DGKH: variants seen among roughly 807,000 people sequenced by gnomAD.
DGKH encodes the protein DAG kinase eta.
In DGKH, 90 loss-of-function variants were observed where a neutral mutation model predicts 159.3. That is an observed-to-expected ratio of 0.57 (90% CI 0.48 to 0.67). The LOEUF is 0.67. Ranked by LOEUF, DGKH falls within the 30% of genes least tolerant of loss-of-function variation. The probability of loss-of-function intolerance (pLI) is 0.00; values close to 1 mark genes in which losing one functional copy is unlikely to be tolerated. For synonymous variants in DGKH, 536 were observed against 553.8 expected, an observed-to-expected ratio of 0.97 and a Z score of 0.45; for missense variants, 1,181 against 1,506.1, an observed-to-expected ratio of 0.78 and a Z score of 3.57.
intron 1 of DGKH, among the ~76,000 whole-genome samples, chr13:42,094,696 T>C (rs1954487915): frequency 6.6e-6 from 1 of 152,228 alleles, no homozygotes; most frequent in Non-Finnish European, 1.5e-5. Context: ...TTTTATACAG[T>C]CAAATTTCTG....
upstream of DGKH, chr13:42,044,394 A>T (rs1288258398): frequency 6.6e-6 from 1 of 151,262 alleles, no homozygotes; most frequent in East Asian, 1.9e-4. Context: ...CGCCTCCTGG[A>T]TTCTCCTGCC....
At chr13:42,217,382 A>G (rs1196767011) in intron 26 of DGKH, among the ~76,000 whole-genome samples, 2 of 151,922 alleles carry the variant, frequency 1.3e-5, no homozygotes, top group South Asian at 4.1e-4. Context: ...TGGGACTACA[A>G]TCGCGCACCA....
chr13:42,055,427 T>C (rs1416578161), intron 1 of DGKH, among the ~76,000 whole-genome samples: 1 of 152,244 alleles, frequency 6.6e-6, no homozygotes, highest in Non-Finnish European at 1.5e-5. Context: ...TGATTACAAG[T>C]TAAACATGAT....
intron 5 of DGKH, among the ~76,000 whole-genome samples, chr13:42,158,458 C>T (rs1956096433): frequency 6.6e-6 from 1 of 152,078 alleles, no homozygotes; most frequent in Non-Finnish European, 1.5e-5. Context: ...AGTCAAGTTC[C>T]AATTTTTGTA....
rs1251344400 is a variant in DGKH, at chr13:42,111,345, C to T, written c.193-16118C>T. ...CCTGTAATCCCAGTACTTTGGGAGGCGAGGTGGGCAGATCTCTTGAGGTCA... is the reference window on the plus strand; with the variant it reads ...CCTGTAATCCCAGTACTTTGGGAGGTGAGGTGGGCAGATCTCTTGAGGTCA... On this transcript the variant is annotated intron_variant, in intron 1 of 29. Transcript: ENST00000337343. Among the ~76,000 whole-genome samples, 13 of 152,056 alleles carry T rather than the reference C, an allele frequency of 8.5e-5. No homozygotes were observed. In the East Asian group the frequency reaches 9.6e-4, roughly 11 times the overall value.
At chr13:42,069,380 ACTT>A in intron 1 of DGKH, 2 of 1,512,702 alleles carry the variant, frequency 1.3e-6, no homozygotes. Context: ...GTTTTTCTTG[ACTT>A]ACTGACTTTG....
At chr13:42,045,009 G>A (rs1257372938), upstream of DGKH, among the ~76,000 whole-genome samples, 1 of 152,168 alleles carries the variant, frequency 6.6e-6, no homozygotes, top group Non-Finnish European at 1.5e-5. Context: ...ATTAAAATTT[G>A]CTTTTGGTGC....
intron 30 of DGKH, chr13:42,256,262 A>C (rs1958656653): frequency 1.3e-6 from 2 of 1,586,996 alleles, no homozygotes; most frequent in Non-Finnish European, 1.7e-6. Context: ...ACACTCAGCC[A>C]GGCTGCTGGC....
chr13:42,110,960 C>T (rs1172228497), intron 1 of DGKH, among the ~76,000 whole-genome samples: 1 of 152,024 alleles, frequency 6.6e-6, no homozygotes, highest in African/African-American at 2.4e-5. Context: ...GGGCTTAACA[C>T]CTAGGTGATG....
intron 13 of DGKH, among the ~76,000 whole-genome samples, chr13:42,179,780 C>CAAAA (rs3039209): frequency 7.0e-5 from 9 of 129,450 alleles, no homozygotes; most frequent in Admixed American, 3.1e-4. Context: ...GATCTTGTCT[C>CAAAA]AAAAAAAAAA....
At chr13:42,050,871 A>G (rs1022058936) in intron 1 of DGKH, among the ~76,000 whole-genome samples, 8 of 150,722 alleles carry the variant, frequency 5.3e-5, no homozygotes, top group African/African-American at 2.5e-5. Flanking sequence ...AAACAAGCAA[A>G]CAAACAAACA....
chr13:42,166,593 G>A lies in DGKH; in HGVS notation c.1037G>A (p.Gly346Glu). The change falls in exon 9 of 30, where the codon GGA becomes GAA. Residue 346 changes from glycine to glutamate, a missense_variant. By Grantham distance (98) the Gly-to-Glu change is moderately conservative. This residue lies in a region of DGKH where 369 missense variants were observed against 519.4 expected (regional missense o/e 0.71). Coordinates refer to ENST00000337343, the MANE Select transcript of DGKH (RefSeq NM_178009.5). ...AATTCTAAGAGTGGAGATAATCAGG[G>A]AGTAAAGTTCCTCCGTCGCTTTAAA... Reference protein sequence around the residue: ...FVNSKSGDNQGVKFLRRFKQL... With the variant: ...FVNSKSGDNQEVKFLRRFKQL... 1 of 1,609,672 alleles carries A rather than the reference G, an allele frequency of 6.2e-7. No individual in the cohort carries two copies. Among genetic ancestry groups the A allele is most frequent in the Non-Finnish European group, 8.5e-7 (1 of 1,178,128 alleles).
At chr13:42,135,481 C>T (rs1452611962) in intron 3 of DGKH, among the ~76,000 whole-genome samples, 1 of 60,588 alleles carries the variant, frequency 1.7e-5, no homozygotes, top group African/African-American at 4.2e-5. Context: ...CAGAGAAAGA[C>T]CCTGTCTCAG....
chr13:42,212,347 G>A (rs1379405397), intron 24 of DGKH, among the ~76,000 whole-genome samples: 1 of 152,136 alleles, frequency 6.6e-6, no homozygotes, highest in Non-Finnish European at 1.5e-5. Context: ...TCAGAAGAAA[G>A]GGAAGAGAAA....
At chr13:42,135,815 C>T (rs1340562174) in intron 3 of DGKH, among the ~76,000 whole-genome samples, 2 of 152,172 alleles carry the variant, frequency 1.3e-5, no homozygotes, top group African/African-American at 2.4e-5. Flanking sequence ...ATCTAAGGCT[C>T]TTTCCAATCA....
At chr13:42,214,466 C>A in intron 24 of DGKH, 41 bp from the exon 25 acceptor site, 1 of 1,587,340 alleles carries the variant, frequency 6.3e-7, no homozygotes, top group South Asian at 1.2e-5. Context: ...GAGCAATACT[C>A]AAAAAAGTTT....
chr13:42,162,822 A>G (rs1268849917), intron 7 of DGKH, among the ~76,000 whole-genome samples: 1 of 146,052 alleles, frequency 6.8e-6, no homozygotes, highest in Non-Finnish European at 1.5e-5. Context: ...AAACAAAAAC[A>G]TGAGTTTCTT....
chr13:42,175,986 G>A (rs1415293709), intron 12 of DGKH, among the ~76,000 whole-genome samples: 7 of 152,134 alleles, frequency 4.6e-5, no homozygotes, highest in East Asian at 1.9e-4. Flanking sequence ...TAATTACAGC[G>A]CCTGGTACAC....
chr13:42,164,204 T>A (rs372153210), intron 7 of DGKH, among the ~76,000 whole-genome samples: 1 of 152,236 alleles, frequency 6.6e-6, no homozygotes, highest in African/African-American at 2.4e-5. Flanking sequence ...CCTACTGTCA[T>A]CCAGGTCTGT....
Sources: allele counts gnomAD v4.1 joint callset (sites outside exome capture counted in the v4.1 genomes callset), GRCh38; gene constraint gnomAD v4.1.1; regional missense constraint gnomAD v4.1.1; transcripts MANE v1.5; gene names NCBI Gene and HGNC (gene_info 2026-07-23, HGNC 2026-07-21).